C2orf49: variants seen among roughly 807,000 people sequenced by gnomAD.
C2orf49 encodes the protein tRNA splicing ligase complex subunit 2, also known as tRNA-splicing ligase complex subunit ASW.
In C2orf49, 11 loss-of-function variants were observed where a neutral mutation model predicts 20.6. That is an observed-to-expected ratio of 0.53 (90% confidence interval 0.34 to 0.88). C2orf49 has a LOEUF of 0.88. C2orf49 is among the 40% of genes least tolerant of loss of function. C2orf49 has a pLI of 0.02. For missense variants in C2orf49, 289 were observed against 274.2 expected, an observed-to-expected ratio of 1.05 and a Z score of -0.38; for synonymous variants, 134 against 108.5, an observed-to-expected ratio of 1.24 and a Z score of -1.46.
chr2:105,344,112 C>T (rs1472986166), intron 3 of C2orf49, among the ~76,000 whole-genome samples: 3 of 152,066 alleles, frequency 2.0e-5, no homozygotes, highest in Admixed American at 1.3e-4. Flanking sequence ...TAGGCATCTT[C>T]GTTATTCCTA....
intron 1 of C2orf49, among the ~76,000 whole-genome samples, chr2:105,338,963 A>G (rs1017123010): frequency 6.6e-6 from 1 of 152,260 alleles, no homozygotes; most frequent in African/African-American, 2.4e-5. Context: ...TTAGATAGAG[A>G]TGGTTGGACA....
downstream of C2orf49, among the ~76,000 whole-genome samples, chr2:105,351,950 A>G (rs74798155): frequency 0.04 from 6,062 of 152,266 alleles, 130 homozygotes; most frequent in Middle Eastern, 0.068. Flanking sequence ...AGTTCATACT[A>G]TGTCTCTAAC....
At chr2:105,340,821 TA>T (rs1432378232) in intron 2 of C2orf49, among the ~76,000 whole-genome samples, 2 of 152,218 alleles carry the variant, frequency 1.3e-5, no homozygotes, top group Non-Finnish European at 2.9e-5. Flanking sequence ...AATTTTTTTT[TA>T]GGGCCTTCTA....
the C2orf49 span, chr2:105,375,114 A>C: frequency 6.6e-6 from 1 of 151,180 alleles, no homozygotes; most frequent in Non-Finnish European, 1.5e-5. Flanking sequence ...TAGAACAAAC[A>C]GTTCTCTTTT....
intron 2 of C2orf49, among the ~76,000 whole-genome samples, chr2:105,342,443 C>G (rs1393662489): frequency 6.6e-6 from 1 of 152,158 alleles, no homozygotes; most frequent in African/African-American, 2.4e-5. Context: ...TAGATTGCTG[C>G]TGTGGTAGTC....
Position 105,346,033 on chromosome 2 carries a change from A to T in C2orf49, c.*662A>T, listed in dbSNP as rs1406962162. 1 of 151,900 alleles carries T rather than the reference A, an allele frequency of 6.6e-6. No homozygotes were observed. The highest frequency in any genetic ancestry group is 1.5e-5 in the Non-Finnish European group (1 of 67,990). The allele number at this position is 151,900 out of a possible 1,614,324, so 9.4% of individuals were successfully genotyped here. ...AGCCTTGTTCAGAGTCTTTGGGGGA[A>T]ATTTGAGATTTTTGAGATTTTTTTT... is the stretch of plus-strand genomic sequence containing the variant. On this transcript the variant is annotated 3_prime_UTR_variant, in exon 4 of 4. Coordinates refer to ENST00000258457, the MANE Select transcript of C2orf49 (RefSeq NM_024093.3).
At chr2:105,357,323 C>G in the C2orf49 span, among the ~76,000 whole-genome samples, 1 of 152,176 alleles carries the variant, frequency 6.6e-6, no homozygotes, top group Non-Finnish European at 1.5e-5. Context: ...TCTCCTAACT[C>G]AAATCTACTA....
In C2orf49 at chr2:105,342,847, G is replaced by A. The variant is rs1301076134; in HGVS notation, c.267-1G>A. 6.2e-7 allele frequency: 1 copy of A among 1,604,522 alleles called. No individual in the cohort carries two copies. The highest frequency in any genetic ancestry group is 2.2e-5 in the East Asian group (1 of 44,680). ...TCAAGAGTGCATCTCTTTGATTTCA[G>A]GAGTAGCACTGTAGATGGGTTAAGG... On this transcript the variant is annotated splice_acceptor_variant, in intron 2 of 3. Transcript: ENST00000258457. LOFTEE classifies it high-confidence loss of function.
downstream of C2orf49, among the ~76,000 whole-genome samples, chr2:105,351,930 C>G (rs1679945370): frequency 1.3e-5 from 2 of 152,174 alleles, no homozygotes; most frequent in African/African-American, 4.8e-5. Flanking sequence ...TCTATAGTAA[C>G]TAAAACATGA....
intron 3 of C2orf49, 130 bp downstream of exon 3, chr2:105,343,353 G>GT: frequency 1.2e-6 from 1 of 801,506 alleles, no homozygotes; most frequent in Non-Finnish European, 1.8e-6. Flanking sequence ...TGTCTGATTT[G>GT]TATAATACAA....
At chr2:105,372,981 A>C in the C2orf49 span, among the ~76,000 whole-genome samples, 1 of 152,220 alleles carries the variant, frequency 6.6e-6, no homozygotes, top group East Asian at 1.9e-4. Flanking sequence ...ACACAAAAAA[A>C]CCATGAGGGA....
At position 105,343,064 on chromosome 2, in the gene C2orf49, C is replaced by T; in HGVS notation, c.483C>T (p.Asn161=). ...TTTTGTCTTCCAATTTGCCTGTGAA[C>T]AATAAAACGGAACACAATAATAATG... ...PLILSSNLPV[N]NKTEHNNNDA... The change falls in exon 3 of 4, where the codon AAC becomes AAT. Residue 161 remains asparagine (N), a synonymous_variant. Coordinates refer to ENST00000258457, the MANE Select transcript of C2orf49 (RefSeq NM_024093.3). 1 of 1,614,182 alleles carries T rather than the reference C, an allele frequency of 6.2e-7. No individual in the cohort carries two copies. Among genetic ancestry groups the T allele is most frequent in the Non-Finnish European group, 8.5e-7 (1 of 1,180,046 alleles).
the C2orf49 span, among the ~76,000 whole-genome samples, chr2:105,362,228 G>A: frequency 1.3e-5 from 2 of 152,128 alleles, no homozygotes; most frequent in Non-Finnish European, 2.9e-5. Context: ...AAGATTCCAA[G>A]GGAAATCTGG....
At position 105,343,174 on chromosome 2, in the gene C2orf49, C is replaced by T. The variant is rs1247724762; in HGVS notation, c.593C>T (p.Thr198Ile). 1.2e-6 allele frequency: 2 copies of T among 1,612,548 alleles called. No individual in the cohort carries two copies. The highest frequency in any genetic ancestry group is 1.7e-5 in the Admixed American group (1 of 59,602). ...CCACCATTGTCCCCTGTTGGAACTA[C>T]TCCAGTGAAGTTAAAGAGAGCTGCT... ...KSPPLSPVGT[T>I]PVKLKRAAPK... Residue 198 changes from threonine (T) to isoleucine (I), a missense_variant, in exon 3 of 4, where the codon ACT becomes ATT. Coordinates refer to ENST00000258457, the MANE Select transcript of C2orf49 (RefSeq NM_024093.3).
the C2orf49 span, among the ~76,000 whole-genome samples, chr2:105,384,931 T>C: frequency 6.6e-6 from 1 of 152,192 alleles, no homozygotes; most frequent in Non-Finnish European, 1.5e-5. Context: ...GGCTGAGCTC[T>C]CATGCTTGTC....
In C2orf49 at chr2:105,349,069, C is replaced by G. The variant is rs1237142482; in HGVS notation, c.*3698C>G. The G allele has an allele frequency of 6.6e-6, 1 of 152,076 alleles. No homozygotes were observed. The highest frequency in any genetic ancestry group is 1.9e-4 in the East Asian group (1 of 5,192). 9.4% of individuals were successfully genotyped at this position (152,076 alleles called of 1,614,324 possible). On this transcript the variant is annotated 3_prime_UTR_variant, in exon 4 of 4. Transcript: ENST00000258457. ...CTGAACTTCCCATGTAATATTAAAG[C>G]TCTTAACAAAATGAGACAAACTAGA...
At chr2:105,337,714 CG>C in intron 1 of C2orf49, 28 bp downstream of exon 1, 1 of 832,520 alleles carries the variant, frequency 1.2e-6, no homozygotes, top group Non-Finnish European at 1.5e-6. Context: ...GGAGGGTGGG[CG>C]GGTGGGCCTT....
Position 105,345,619 on chromosome 2 carries a change from C to T in C2orf49, c.*248C>T, listed in dbSNP as rs148646553. The T allele has an allele frequency of 3.0e-4, 149 of 497,770 alleles. No homozygotes were observed. The highest frequency in any genetic ancestry group is 2.7e-3 in the African/African-American group (138 of 50,478). 30.8% of individuals were successfully genotyped at this position (497,770 alleles called of 1,614,324 possible). A position where few individuals can be genotyped will look rare whatever the true frequency, so the allele number is the denominator to read the frequency against. The stretch of plus-strand genomic sequence containing the variant: ...TTTAAACCAATGGCTTAGTATATGT[C>T]ATTTATATTGACCCTACTGAAATTA... On this transcript the variant is annotated 3_prime_UTR_variant, in exon 4 of 4. Coordinates refer to ENST00000258457, the MANE Select transcript of C2orf49 (RefSeq NM_024093.3).
chr2:105,341,597 G>A (rs1400164113), intron 2 of C2orf49, among the ~76,000 whole-genome samples: 1 of 152,188 alleles, frequency 6.6e-6, no homozygotes, highest in Non-Finnish European at 1.5e-5. Flanking sequence ...TTCTACAAAG[G>A]CAGTGGGTAT....
Sources: allele counts gnomAD v4.1 joint callset (sites outside exome capture counted in the v4.1 genomes callset), GRCh38; gene constraint gnomAD v4.1.1; transcripts MANE v1.5; gene names NCBI Gene and HGNC (gene_info 2026-07-23, HGNC 2026-07-21).